CRYL1: variants seen among roughly 807,000 people sequenced by gnomAD.
The protein encoded by CRYL1 is crystallin lambda 1, also known as lambda-crystallin homolog.
A neutral mutation model predicts 36.6 loss-of-function variants in CRYL1; 29 were observed. The ratio of observed to expected loss-of-function variants is 0.79; its 90% confidence interval spans 0.59 to 1.08. CRYL1 has a LOEUF of 1.08. CRYL1 is among the 50% of genes least tolerant of loss of function. CRYL1 has a pLI of 0.00. For synonymous variants in CRYL1, 152 were observed against 151.5 expected (o/e 1.00, Z -0.02); for missense variants, 411 against 407.9 (o/e 1.01, Z -0.06).
chr13:20,507,310 T>C (rs1365122393), intron 2 of CRYL1, among the ~76,000 whole-genome samples: 1 of 152,230 alleles, frequency 6.6e-6, no homozygotes, highest in Admixed American at 6.5e-5. Flanking sequence ...TAAAGTTTTA[T>C]TGGAATACAA....
intron 3 of CRYL1, among the ~76,000 whole-genome samples, chr13:20,463,126 G>A (rs920681005): frequency 2.6e-5 from 4 of 152,130 alleles, no homozygotes; most frequent in African/African-American, 7.2e-5. Context: ...GCTCCCACCC[G>A]TGCAGGCAGC....
intron 1 of CRYL1, among the ~76,000 whole-genome samples, chr13:20,524,252 G>A (rs927587893): frequency 3.3e-5 from 5 of 152,136 alleles, no homozygotes; most frequent in East Asian, 1.9e-4. Context: ...GCGCGTGCGC[G>A]CACGCATGCG....
In CRYL1 at chr13:20,404,777, G is replaced by GAA. The variant is rs746272882; in HGVS notation, c.740-38_740-37dup. On this transcript the variant is annotated intron_variant, in intron 6 of 7. Transcript: ENST00000298248. ...ATGAAGACAAGAATCCACAATCTCA[G>GAA]AAAAAAACATTCTTAGTTATATTCA... The GAA allele has an allele frequency of 1.7e-5, 23 of 1,386,298 alleles. No homozygotes were observed. In the African/African-American group the frequency reaches 3.2e-4, roughly 19 times the overall value. 85.9% of individuals were successfully genotyped at this position (1,386,298 alleles called of 1,614,324 possible).
rs1274036634 is a variant in CRYL1, at chr13:20,459,721, G to A, written c.277-19967C>T. 3.3e-5 allele frequency among the ~76,000 whole-genome samples: 5 copies of A among 152,234 alleles called. No individual in the cohort carries two copies. In the East Asian group the frequency reaches 9.7e-4, roughly 29 times the overall value. On this transcript the variant is annotated intron_variant, in intron 3 of 7. Coordinates refer to ENST00000298248, the MANE Select transcript of CRYL1 (RefSeq NM_015974.3). ...AGGGTGGAGGGTGGGAGGAGGGTGA[G>A]GACTGAAAACCTATCAGATATTATG...
At chr13:20,407,796 T>C (rs971073967) in intron 6 of CRYL1, among the ~76,000 whole-genome samples, 3 of 152,250 alleles carry the variant, frequency 2.0e-5, no homozygotes, top group Admixed American at 1.3e-4. Context: ...GTAGCTTAAC[T>C]TGCTGCTTTC....
intron 3 of CRYL1, among the ~76,000 whole-genome samples, chr13:20,445,171 T>G (rs952948249): frequency 1.3e-5 from 2 of 152,174 alleles, no homozygotes; most frequent in East Asian, 1.9e-4. Flanking sequence ...TTTTGAAAAT[T>G]CAGGTTTATT....
At chr13:20,464,965 T>C (rs761874893) in intron 3 of CRYL1, among the ~76,000 whole-genome samples, 18 of 152,222 alleles carry the variant, frequency 1.2e-4, no homozygotes, top group South Asian at 2.1e-4. Context: ...TGATGATGCT[T>C]TCTGACCATA....
At chr13:20,472,332 A>G (rs1278221785) in intron 3 of CRYL1, among the ~76,000 whole-genome samples, 1 of 152,190 alleles carries the variant, frequency 6.6e-6, no homozygotes, top group Non-Finnish European at 1.5e-5. Flanking sequence ...AAAAATATGT[A>G]CATGTTCAGC....
intron 2 of CRYL1, chr13:20,502,563 G>A (rs961657986): frequency 5.9e-5 from 9 of 152,374 alleles, no homozygotes; most frequent in African/African-American, 2.2e-4. Context: ...GCTGAGGCAG[G>A]AGAATGGTGT....
intron 2 of CRYL1, among the ~76,000 whole-genome samples, chr13:20,490,879 GTT>G (rs1331197112): frequency 6.6e-6 from 1 of 151,950 alleles, no homozygotes; most frequent in Non-Finnish European, 1.5e-5. Flanking sequence ...TGCTTTTTGG[GTT>G]TTGTTTTGTT....
At chr13:20,405,123 C>T (rs1236433642) in intron 6 of CRYL1, among the ~76,000 whole-genome samples, 1 of 152,144 alleles carries the variant, frequency 6.6e-6, no homozygotes, top group Non-Finnish European at 1.5e-5. Context: ...TACCAAAAAT[C>T]AGTCAGGTGG....
At chr13:20,502,649 C>A (rs1042697230) in intron 2 of CRYL1, among the ~76,000 whole-genome samples, 3 of 151,530 alleles carry the variant, frequency 2.0e-5, no homozygotes, top group Non-Finnish European at 4.4e-5. Flanking sequence ...AGCGAGACTC[C>A]GTCTCAAAAA....
chr13:20,435,827 C>A lies in CRYL1; in HGVS notation c.439-3531G>T, dbSNP rs568425151. Among the ~76,000 whole-genome samples, 2 of 152,276 alleles carry A rather than the reference C, an allele frequency of 1.3e-5. No individual in the cohort carries two copies. The highest frequency in any genetic ancestry group is 4.8e-5 in the African/African-American group (2 of 41,570). ...CCTTCACCCCCGCTCCGGGAGCAAC[C>A]AAAACGGCGAGGCCCACAGGGCCGA... On this transcript the variant is annotated intron_variant, in intron 4 of 7. Coordinates refer to ENST00000298248, the MANE Select transcript of CRYL1 (RefSeq NM_015974.3). This position sits in a 1 kb window ranked among gnomAD's most constrained non-coding sequence, Gnocchi z 4.0.
At chr13:20,496,042 C>A (rs1044767663) in intron 2 of CRYL1, among the ~76,000 whole-genome samples, 1 of 152,224 alleles carries the variant, frequency 6.6e-6, no homozygotes, top group Admixed American at 6.5e-5. Flanking sequence ...CTCAGGTGAT[C>A]CACCTGCCTT....
intron 3 of CRYL1, among the ~76,000 whole-genome samples, chr13:20,445,762 A>C (rs769617478): frequency 1.3e-5 from 2 of 152,266 alleles, no homozygotes; most frequent in Non-Finnish European, 2.9e-5. Context: ...CAATTTCAGC[A>C]TAAAGTAAAA....
At chr13:20,416,461 C>A (rs1374424920) in intron 5 of CRYL1, among the ~76,000 whole-genome samples, 1 of 152,184 alleles carries the variant, frequency 6.6e-6, no homozygotes, top group Non-Finnish European at 1.5e-5. Flanking sequence ...GCTCCCTGCC[C>A]TCTCTCCAGG....
chr13:20,414,265 G>T (rs879892132), intron 5 of CRYL1, among the ~76,000 whole-genome samples: 1,962 of 152,022 alleles, frequency 0.013, 39 homozygotes, highest in African/African-American at 0.044. Context: ...TTGTGTGTGT[G>T]TGTGTGTGTG....
At chr13:20,450,004 C>T (rs2032535130) in intron 3 of CRYL1, among the ~76,000 whole-genome samples, 1 of 152,188 alleles carries the variant, frequency 6.6e-6, no homozygotes, top group African/African-American at 2.4e-5. Flanking sequence ...ATATTGTTAA[C>T]ATGGCCATAC....
intron 3 of CRYL1, among the ~76,000 whole-genome samples, chr13:20,488,569 G>A (rs982815247): frequency 2.0e-5 from 3 of 152,084 alleles, no homozygotes; most frequent in South Asian, 2.1e-4. Flanking sequence ...CAGCCTTTTC[G>A]GTTTGCTTCC....
Sources: allele counts gnomAD v4.1 joint callset (sites outside exome capture counted in the v4.1 genomes callset), GRCh38; gene constraint gnomAD v4.1.1; non-coding constraint Gnocchi (gnomAD v3.1); transcripts MANE v1.5; gene names NCBI Gene and HGNC (gene_info 2026-07-23, HGNC 2026-07-21).